The following CADPS variants were observed in gnomAD, a reference collection of about 807,000 sequenced individuals.
The protein encoded by CADPS is calcium-dependent secretion activator 1.
In CADPS, 57 loss-of-function variants were observed where a neutral mutation model predicts 167.3. That is an observed-to-expected ratio of 0.34 (90% CI 0.28 to 0.42). The LOEUF is 0.42. Ranked by LOEUF, CADPS falls within the 20% of genes least tolerant of loss-of-function variation. The pLI, the probability that CADPS is intolerant of heterozygous loss-of-function variation, is 1.00. For missense variants in CADPS, 1,414 were observed against 1,738.1 expected (o/e 0.81, Z 3.32); for synonymous variants, 676 against 635.3 (o/e 1.06, Z -0.96).
intron 6 of CADPS, among the ~76,000 whole-genome samples, chr3:62,620,699 G>C (rs1174281976): frequency 6.6e-6 from 1 of 152,152 alleles, no homozygotes; most frequent in Non-Finnish European, 1.5e-5. Flanking sequence ...ACCTGTGCTA[G>C]TATAGCTGTC....
chr3:62,460,312 C>T (rs983784545), intron 26 of CADPS, among the ~76,000 whole-genome samples: 2 of 152,184 alleles, frequency 1.3e-5, no homozygotes, highest in Non-Finnish European at 2.9e-5. Context: ...AAGGCAGACA[C>T]CTCCACTCTG....
At position 62,799,412 on chromosome 3, in the gene CADPS, A is replaced by C. The variant is rs2093634312; in HGVS notation, c.442-33428T>G. 2.0e-5 allele frequency among the ~76,000 whole-genome samples: 3 copies of C among 152,076 alleles called. 1 individual carries two copies. The South Asian group carries it at 6.2e-4, about 31-fold the overall frequency. ...ACTTGCTCAACAAGTTCACCTATGA[A>C]ACACTCTTCCTTGATATCTTGGTGA... On this transcript the variant is annotated intron_variant, in intron 1 of 29. Coordinates refer to ENST00000383710, the MANE Select transcript of CADPS (RefSeq NM_003716.4).
intron 4 of CADPS, among the ~76,000 whole-genome samples, chr3:62,653,838 C>T (rs144745321): frequency 1.2e-3 from 182 of 152,150 alleles, no homozygotes; most frequent in Non-Finnish European, 1.9e-3. Context: ...CACTCCGCAA[C>T]GTCACAGTAC....
At chr3:62,434,847 A>G (rs968860037) in intron 28 of CADPS, among the ~76,000 whole-genome samples, 14 of 152,206 alleles carry the variant, frequency 9.2e-5, no homozygotes, top group Non-Finnish European at 1.5e-4. Context: ...TCAGAAGGGC[A>G]AAAACAGGAA....
At chr3:62,437,799 G>A (rs1476129869) in intron 28 of CADPS, among the ~76,000 whole-genome samples, 2 of 152,154 alleles carry the variant, frequency 1.3e-5, no homozygotes, top group African/African-American at 4.8e-5. Flanking sequence ...CCATGACCAA[G>A]AAAGGTCTTT....
At chr3:62,719,373 C>G (rs1309106822) in intron 3 of CADPS, among the ~76,000 whole-genome samples, 1 of 152,222 alleles carries the variant, frequency 6.6e-6, no homozygotes, top group Non-Finnish European at 1.5e-5. Flanking sequence ...CCTTTACATA[C>G]CATACTCAAG....
At chr3:62,537,835 G>A (rs955127969) in intron 11 of CADPS, among the ~76,000 whole-genome samples, 1 of 151,548 alleles carries the variant, frequency 6.6e-6, no homozygotes, top group African/African-American at 2.4e-5. Context: ...TATTGATATT[G>A]TATTAATAAA....
chr3:62,713,236 CT>C (rs1437212561), intron 3 of CADPS, among the ~76,000 whole-genome samples: 15 of 152,096 alleles, frequency 9.9e-5, no homozygotes, highest in African/African-American at 3.6e-4. Context: ...ACCATTTCTC[CT>C]TCTCCTGGTA....
At chr3:62,428,413 T>C (rs2053221567) in intron 28 of CADPS, among the ~76,000 whole-genome samples, 1 of 149,496 alleles carries the variant, frequency 6.7e-6, no homozygotes, top group Non-Finnish European at 1.5e-5. Flanking sequence ...GTATTGCTGA[T>C]CTAACGTGCT....
intron 28 of CADPS, among the ~76,000 whole-genome samples, chr3:62,432,346 T>C (rs2054155933): frequency 6.6e-6 from 1 of 152,152 alleles, no homozygotes; most frequent in Non-Finnish European, 1.5e-5. Context: ...AGCTCAAAAG[T>C]GGCAGAACCA....
chr3:62,588,621 A>G (rs557143656), intron 7 of CADPS, among the ~76,000 whole-genome samples: 1 of 152,310 alleles, frequency 6.6e-6, no homozygotes, highest in South Asian at 2.1e-4. Flanking sequence ...AATTTATTCT[A>G]TAGATACCCA....
intron 17 of CADPS, among the ~76,000 whole-genome samples, chr3:62,500,927 G>T (rs1002800254): frequency 1.3e-5 from 2 of 152,214 alleles, no homozygotes; most frequent in Non-Finnish European, 2.9e-5. Context: ...TGCAAGAAGA[G>T]TGTTCTAGCA....
intron 21 of CADPS, among the ~76,000 whole-genome samples, chr3:62,486,114 T>G (rs540392395): frequency 3.3e-5 from 5 of 152,338 alleles, no homozygotes; most frequent in African/African-American, 1.2e-4. Context: ...GGCATTATGT[T>G]TTATATCTTA....
chr3:62,583,943 C>T lies in CADPS; in HGVS notation c.1577+1242G>A, dbSNP rs192606350. On this transcript the variant is annotated intron_variant, in intron 8 of 29. Transcript: ENST00000383710. ...CTTCTGTTTAGACCTGTCTTAATCA[C>T]GGCTAGGCCCTGAAATTGGGTTTGT... 4.5e-4 allele frequency among the ~76,000 whole-genome samples: 68 copies of T among 151,954 alleles called. No homozygotes were observed. In the East Asian group the frequency reaches 0.012, roughly 27 times the overall value.
At chr3:62,499,106 G>T in intron 18 of CADPS, 56 bp downstream of exon 18, 3 of 1,069,038 alleles carry the variant, frequency 2.8e-6, no homozygotes, top group Non-Finnish European at 2.9e-6. Context: ...GGGAAAATCA[G>T]CTCTGCAAGC....
intron 3 of CADPS, among the ~76,000 whole-genome samples, chr3:62,738,661 G>A (rs1224661731): frequency 6.6e-6 from 1 of 152,116 alleles, no homozygotes; most frequent in Non-Finnish European, 1.5e-5. Context: ...GGGAGGCGGA[G>A]GTTGCAGTGA....
chr3:62,793,125 C>T (rs1358642886), intron 1 of CADPS, among the ~76,000 whole-genome samples: 1 of 152,178 alleles, frequency 6.6e-6, no homozygotes, highest in East Asian at 1.9e-4. Flanking sequence ...TACTTTTCTT[C>T]ACAAATTAGT....
chr3:62,809,091 G>A (rs936922297), intron 1 of CADPS, among the ~76,000 whole-genome samples: 7 of 152,168 alleles, frequency 4.6e-5, no homozygotes, highest in Non-Finnish European at 1.0e-4. Context: ...TACTACCTCT[G>A]TACATCTGCA....
intron 1 of CADPS, among the ~76,000 whole-genome samples, chr3:62,809,544 A>G (rs777294403): frequency 3.3e-5 from 5 of 152,132 alleles, no homozygotes; most frequent in Non-Finnish European, 5.9e-5. Flanking sequence ...TTTCAGCCTA[A>G]TTGTCATCTC....
Sources: gnomAD v4.1 joint callset for allele counts (sites outside exome capture counted in the v4.1 genomes callset) on GRCh38, gnomAD v4.1.1 for gene constraint, MANE v1.5 for transcripts, NCBI Gene and HGNC (gene_info 2026-07-23, HGNC 2026-07-21) for gene names.